The following MED12L variants were observed in gnomAD, a reference collection of about 807,000 sequenced individuals.
The protein encoded by MED12L is mediator of RNA polymerase II transcription subunit 12-like protein.
MED12L carries 60 observed loss-of-function variants against 281.3 expected under a neutral mutation model. The observed-to-expected ratio is 0.21, with a 90% CI of 0.17 to 0.26. The LOEUF (loss-of-function observed/expected upper bound fraction) is 0.26. Among genes scored for constraint, MED12L ranks in the 10% least tolerant of loss-of-function variants. MED12L has a pLI of 1.00. For synonymous variants in MED12L, 974 were observed against 987.2 expected, an observed-to-expected ratio of 0.99 and a Z score of 0.25; for missense variants, 2,146 against 2,680.9, an observed-to-expected ratio of 0.80 and a Z score of 4.41.
At chr3:151,389,893 C>T in intron 37 of MED12L, 86 bp from the exon 38 acceptor site, 1 of 1,352,884 alleles carries the variant, frequency 7.4e-7, no homozygotes, top group Non-Finnish European at 1.0e-6. Flanking sequence ...TAGGAGGTAC[C>T]TCAGATAGCT....
At chr3:151,107,926 G>A (rs192312101) in intron 2 of MED12L, among the ~76,000 whole-genome samples, 1 of 152,116 alleles carries the variant, frequency 6.6e-6, no homozygotes, top group Non-Finnish European at 1.5e-5. Context: ...CTGGAATGCT[G>A]GGCTTGATTG....
At chr3:151,149,873 C>T (rs1307938420) in intron 5 of MED12L, among the ~76,000 whole-genome samples, 5 of 152,196 alleles carry the variant, frequency 3.3e-5, no homozygotes, top group Non-Finnish European at 4.4e-5. Flanking sequence ...ACTCTTCATG[C>T]TTAATTTTAC....
intron 16 of MED12L, among the ~76,000 whole-genome samples, chr3:151,216,175 G>A (rs1728180606): frequency 6.6e-6 from 1 of 152,052 alleles, no homozygotes; most frequent in South Asian, 2.1e-4. Context: ...ATAATATTTA[G>A]GGCATTAGAT....
At chr3:151,361,219 CTG>C (rs1754572806) in intron 21 of MED12L, among the ~76,000 whole-genome samples, 1 of 152,206 alleles carries the variant, frequency 6.6e-6, no homozygotes, top group African/African-American at 2.4e-5. Context: ...CTTTTTCAGA[CTG>C]TGTTTACTTT....
intron 39 of MED12L, among the ~76,000 whole-genome samples, chr3:151,408,565 A>G (rs1016027385): frequency 5.3e-5 from 8 of 152,224 alleles, no homozygotes; most frequent in African/African-American, 1.7e-4. Context: ...CCACCAAAAC[A>G]TAAAACACAC....
intron 43 of MED12L, among the ~76,000 whole-genome samples, chr3:151,421,769 A>C (rs1422040780): frequency 6.6e-6 from 1 of 152,128 alleles, no homozygotes; most frequent in African/African-American, 2.4e-5. Context: ...TAGTTCCACT[A>C]AGATGCATTG....
chr3:151,328,487 G>C lies in MED12L; in HGVS notation c.2251-21572G>C, dbSNP rs775981509. ...CTTTAAGGAAGCACACTTTTTCACA[G>C]ACGATGGTGTTGCTTCCTTGTTGCT... On this transcript the variant is annotated intron_variant, in intron 16 of 44. Coordinates refer to ENST00000687756, the MANE Select transcript of MED12L (RefSeq NM_001393769.1). 1.9e-6 allele frequency: 3 copies of C among 1,614,006 alleles called. No homozygotes were observed. The South Asian group carries it at 3.3e-5, about 18-fold the overall frequency.
Position 151,434,741 on chromosome 3 carries a change from T to C in MED12L, c.*1937T>C, listed in dbSNP as rs1719907056. ...TCCAAATTTCTTTGCCAGTTCAGTT[T>C]GAACCATATATTTTGTAGCTCAGCA... is the stretch of plus-strand genomic sequence containing the variant. On this transcript the variant is annotated 3_prime_UTR_variant, in exon 45 of 45. Transcript: ENST00000687756. 1 of 152,256 alleles carries C rather than the reference T, an allele frequency of 6.6e-6. No homozygotes were observed. 9.4% of individuals were successfully genotyped at this position (152,256 alleles called of 1,614,324 possible). A position where few individuals can be genotyped will look rare whatever the true frequency, so the allele number is the denominator to read the frequency against.
At chr3:151,432,552 G>A (rs895262234) in intron 44 of MED12L, among the ~76,000 whole-genome samples, 200 bp from the exon 45 acceptor site, 6 of 152,222 alleles carry the variant, frequency 3.9e-5, no homozygotes. Flanking sequence ...GGCAAGTGTG[G>A]ACTGTGAATA....
At chr3:151,124,696 A>G (rs999171427) in intron 4 of MED12L, among the ~76,000 whole-genome samples, 1 of 152,302 alleles carries the variant, frequency 6.6e-6, no homozygotes, top group Admixed American at 6.5e-5. Context: ...TGTATGGATC[A>G]TGTTTCAGGA....
intron 39 of MED12L, among the ~76,000 whole-genome samples, chr3:151,399,893 C>A (rs1056516364): frequency 4.6e-5 from 7 of 151,890 alleles, no homozygotes; most frequent in Admixed American, 1.3e-4. Context: ...GCGGCCTAAT[C>A]TCCGCTCATT....
chr3:151,372,165 A>G (rs1756264227), intron 26 of MED12L, among the ~76,000 whole-genome samples: 1 of 152,208 alleles, frequency 6.6e-6, no homozygotes, highest in Admixed American at 6.5e-5. Flanking sequence ...GTAAGAGAAG[A>G]AATGGAAAAG....
chr3:151,339,451 C>A (rs960034075), intron 16 of MED12L, among the ~76,000 whole-genome samples: 5 of 147,778 alleles, frequency 3.4e-5, no homozygotes, highest in African/African-American at 1.2e-4. Context: ...AAAAGCTGAC[C>A]TTTTTTCTTT....
chr3:151,419,134 G>T (rs1323343598), intron 43 of MED12L, among the ~76,000 whole-genome samples: 1 of 152,140 alleles, frequency 6.6e-6, no homozygotes, highest in African/African-American at 2.4e-5. Context: ...ACTTTGTAAT[G>T]GGTACAAAAT....
In MED12L at chr3:151,389,902, C is replaced by T. The variant is rs1713964132; in HGVS notation, c.5452-77C>T. 3 of 1,452,974 alleles carry T rather than the reference C, an allele frequency of 2.1e-6. No individual in the cohort carries two copies. The South Asian group carries it at 3.6e-5, about 17-fold the overall frequency. 90.0% of individuals were successfully genotyped at this position (1,452,974 alleles called of 1,614,324 possible). Reference sequence around the variant, plus strand: ...TTGGGATAGGAGGTACCTCAGATAGCTTACTGAAGTTATTTGCATTAATTA... The same window carrying T: ...TTGGGATAGGAGGTACCTCAGATAGTTTACTGAAGTTATTTGCATTAATTA... On this transcript the variant is annotated intron_variant, in intron 37 of 44. Coordinates refer to ENST00000687756, the MANE Select transcript of MED12L (RefSeq NM_001393769.1).
chr3:151,331,344 A>G (rs1448318606), intron 16 of MED12L, among the ~76,000 whole-genome samples: 2 of 152,198 alleles, frequency 1.3e-5, no homozygotes, highest in African/African-American at 4.8e-5. Flanking sequence ...TAGGCGCCAG[A>G]GTGCCTGGGC....
At chr3:151,207,821 G>C (rs1310007043) in intron 16 of MED12L, among the ~76,000 whole-genome samples, 1 of 152,194 alleles carries the variant, frequency 6.6e-6, no homozygotes, top group Non-Finnish European at 1.5e-5. Context: ...ACTGCAGGGT[G>C]GGGTAGAGAG....
rs113029977 is a variant in MED12L at position 151,247,803 on chromosome 3, G to T, written c.2250+54137G>T. 5.7e-3 allele frequency among the ~76,000 whole-genome samples: 859 copies of T among 151,424 alleles called. 4 individuals are homozygous for T. The highest frequency in any genetic ancestry group is 9.8e-3 in the Non-Finnish European group (668 of 67,858). The stretch of plus-strand genomic sequence containing the variant: ...AAAAAAATGAATTAGGACTTAAGAA[G>T]TTGCATTTTCTCCATTTAGAGAGTC... On this transcript the variant is annotated intron_variant, in intron 16 of 44. Coordinates refer to ENST00000687756, the MANE Select transcript of MED12L (RefSeq NM_001393769.1).
chr3:151,220,203 T>C (rs1729072292), intron 16 of MED12L, among the ~76,000 whole-genome samples: 1 of 150,988 alleles, frequency 6.6e-6, no homozygotes, highest in Non-Finnish European at 1.5e-5. Flanking sequence ...AGGGACAAAA[T>C]TGCCCTCATT....
Sources: allele counts gnomAD v4.1 joint callset (sites outside exome capture counted in the v4.1 genomes callset), GRCh38; gene constraint gnomAD v4.1.1; transcripts MANE v1.5; gene names NCBI Gene and HGNC (gene_info 2026-07-23, HGNC 2026-07-21).